Variants in ACTN1 observed in about 807,000 individuals in gnomAD.
ACTN1 encodes the protein actinin alpha 1, also known as alpha-actinin-1.
In ACTN1, 30 loss-of-function variants were observed where a neutral mutation model predicts 119.6. The ratio of observed to expected loss-of-function variants is 0.25; its 90% CI spans 0.19 to 0.34. The LOEUF (loss-of-function observed/expected upper bound fraction) is 0.34. ACTN1 is among the 10% of genes least tolerant of loss of function. The pLI, the probability that ACTN1 is intolerant of heterozygous loss-of-function variation, is 1.00. For synonymous variants in ACTN1, 429 were observed against 472.6 expected (o/e 0.91, Z 1.20); for missense variants, 764 against 1,223.4 (o/e 0.62, Z 5.60).
intron 1 of ACTN1, among the ~76,000 whole-genome samples, chr14:68,942,128 C>A (rs1217665682): frequency 3.3e-5 from 5 of 152,188 alleles, no homozygotes; most frequent in African/African-American, 4.8e-5. Context: ...GTGATTTGCA[C>A]CCCCGGGGTG....
At position 68,884,764 on chromosome 14, in the gene ACTN1, G is replaced by T; in HGVS notation, c.1494+11C>A. ...GGATATGGGCCTAGATCTCCCTCTG[G>T]GACCTCTCACCTCCAGAGCTTCCCT... On this transcript the variant is annotated intron_variant, in intron 13 of 21. Transcript: ENST00000394419. 5 of 1,599,876 alleles carry T rather than the reference G, an allele frequency of 3.1e-6. No homozygotes were observed. Among genetic ancestry groups the T allele is most frequent in the Non-Finnish European group, 4.3e-6 (5 of 1,167,096 alleles).
intron 9 of ACTN1, among the ~76,000 whole-genome samples, chr14:68,893,063 C>T (rs2032618891): frequency 6.6e-6 from 1 of 152,126 alleles, no homozygotes; most frequent in Admixed American, 6.5e-5. Context: ...GCTCCAGAAC[C>T]TGCGTTCTTA....
chr14:68,891,907 G>T, intron 10 of ACTN1, 146 bp downstream of exon 10: 1 of 1,089,972 alleles, frequency 9.2e-7, no homozygotes, highest in Non-Finnish European at 1.3e-6. Context: ...AACTGGAAGG[G>T]GGAAGTGACT....
chr14:68,880,740 T>C lies in ACTN1; in HGVS notation c.2133+70A>G. The C allele has an allele frequency of 6.5e-7, 1 of 1,531,634 alleles. No individual in the cohort carries two copies. Among genetic ancestry groups the C allele is most frequent in the South Asian group, 1.2e-5 (1 of 85,126 alleles). The allele number at this position is 1,531,634 out of a possible 1,614,324, so 94.9% of individuals were successfully genotyped here. A position where few individuals can be genotyped will look rare whatever the true frequency, so the allele number is the denominator to read the frequency against. ...AACTATGACCTGTTCCCTTGGAGACTTCCCCACCCAGGAGAAAGAGCAGAA... is the reference window on the plus strand; with the variant it reads ...AACTATGACCTGTTCCCTTGGAGACCTCCCCACCCAGGAGAAAGAGCAGAA... On this transcript the variant is annotated intron_variant, in intron 17 of 21. Coordinates refer to ENST00000394419, the MANE Select transcript of ACTN1 (RefSeq NM_001130004.2). The surrounding 1 kb of genome is among the most constrained non-coding windows in gnomAD (Gnocchi z 4.6).
intron 1 of ACTN1, among the ~76,000 whole-genome samples, chr14:68,945,270 GAA>G (rs370456926): frequency 6.8e-6 from 1 of 146,428 alleles, no homozygotes; most frequent in Non-Finnish European, 1.5e-5. Flanking sequence ...TCAAAAAACT[GAA>G]AAAAAAAAAG....
intron 1 of ACTN1, among the ~76,000 whole-genome samples, chr14:68,957,633 T>A (rs138887860): frequency 1.3e-4 from 20 of 152,346 alleles, no homozygotes; most frequent in African/African-American, 4.8e-4. Flanking sequence ...GTCTGACATG[T>A]AACTGCTTAG....
At position 68,906,630 on chromosome 14, in the gene ACTN1, G is replaced by A. The variant is rs1241412044; in HGVS notation, c.595-1894C>T. Among the ~76,000 whole-genome samples the A allele has an allele frequency of 3.9e-5, 6 of 152,144 alleles. 1 individual carries two copies. The East Asian group carries it at 1.2e-3, about 29-fold the overall frequency. On this transcript the variant is annotated intron_variant, in intron 6 of 21. Coordinates refer to ENST00000394419, the MANE Select transcript of ACTN1 (RefSeq NM_001130004.2). Reference sequence around the variant, plus strand: ...ACACCCGCCCCACGTGAGTTCCAGGGACCCCAGGGCCCCATGCCCACCCAT... The same window carrying A: ...ACACCCGCCCCACGTGAGTTCCAGGAACCCCAGGGCCCCATGCCCACCCAT...
intron 1 of ACTN1, among the ~76,000 whole-genome samples, chr14:68,970,201 G>A (rs1428797161): frequency 4.0e-5 from 6 of 151,722 alleles, no homozygotes; most frequent in Non-Finnish European, 2.9e-5. Flanking sequence ...TCCCCCAGCC[G>A]ACTGCTCTTT....
intron 1 of ACTN1, among the ~76,000 whole-genome samples, chr14:68,937,695 C>T (rs1263301633): frequency 6.6e-6 from 1 of 152,232 alleles, no homozygotes; most frequent in African/African-American, 2.4e-5. Flanking sequence ...AAATGGTACA[C>T]AGCTTCCTAT....
intron 1 of ACTN1, among the ~76,000 whole-genome samples, chr14:68,957,113 C>T (rs2140576644): frequency 6.6e-6 from 1 of 152,238 alleles, no homozygotes; most frequent in South Asian, 2.1e-4. Flanking sequence ...ATCCACAGCC[C>T]CTGGAAATTG....
intron 1 of ACTN1, among the ~76,000 whole-genome samples, chr14:68,960,052 G>T (rs1375372227): frequency 6.6e-6 from 1 of 152,138 alleles, no homozygotes; most frequent in African/African-American, 2.4e-5. Context: ...AACTATATTT[G>T]CTATTCAGTA....
At chr14:68,917,514 C>T (rs1439600186) in intron 3 of ACTN1, among the ~76,000 whole-genome samples, 2 of 152,222 alleles carry the variant, frequency 1.3e-5, no homozygotes, top group Non-Finnish European at 2.9e-5. Flanking sequence ...CCCCCGCTCC[C>T]CTTCCAGGAG....
chr14:68,908,853 A>G (rs1051199605), intron 6 of ACTN1, among the ~76,000 whole-genome samples: 3 of 152,252 alleles, frequency 2.0e-5, no homozygotes, highest in Admixed American at 6.5e-5. Context: ...AAAATCCCCC[A>G]GCCAAACTTG....
intron 1 of ACTN1, among the ~76,000 whole-genome samples, chr14:68,949,154 C>A (rs1245574143): frequency 1.3e-5 from 2 of 152,184 alleles, no homozygotes; most frequent in African/African-American, 4.8e-5. Context: ...CTGGGAGAGC[C>A]TCGGAGAGAA....
At chr14:68,897,188 T>C (rs2140194151) in intron 8 of ACTN1, among the ~76,000 whole-genome samples, 1 of 152,292 alleles carries the variant, frequency 6.6e-6, no homozygotes, top group East Asian at 1.9e-4. Flanking sequence ...TTTCACGGTG[T>C]TGGCCAAGCT....
chr14:68,895,309 A>G (rs140703459), intron 8 of ACTN1, among the ~76,000 whole-genome samples: 3 of 152,188 alleles, frequency 2.0e-5, no homozygotes, highest in Non-Finnish European at 2.9e-5. Context: ...ACTGCTTCTC[A>G]CCCACAACTC....
intron 1 of ACTN1, among the ~76,000 whole-genome samples, chr14:68,944,220 T>C (rs767784685): frequency 2.6e-5 from 4 of 152,194 alleles, no homozygotes; most frequent in Non-Finnish European, 5.9e-5. Flanking sequence ...TGTCTTGGGT[T>C]TCTGAACACA....
chr14:68,924,917 G>A (rs1478975635), intron 2 of ACTN1, among the ~76,000 whole-genome samples: 1 of 152,230 alleles, frequency 6.6e-6, no homozygotes, highest in African/African-American at 2.4e-5. Flanking sequence ...AGAGGACTGT[G>A]TGGGACATTG....
chr14:68,942,132 C>T (rs1167187126), intron 1 of ACTN1, among the ~76,000 whole-genome samples: 1 of 152,188 alleles, frequency 6.6e-6, no homozygotes, highest in Admixed American at 6.5e-5. Flanking sequence ...TTTGCACCCC[C>T]GGGGTGGGAC....
Sources: gnomAD v4.1 joint callset for allele counts (sites outside exome capture counted in the v4.1 genomes callset) on GRCh38, gnomAD v4.1.1 for gene constraint, Gnocchi (gnomAD v3.1) non-coding constraint, MANE v1.5 for transcripts, NCBI Gene and HGNC (gene_info 2026-07-23, HGNC 2026-07-21) for gene names.